SEPTIN9: variants seen among roughly 807,000 people sequenced by gnomAD.
SEPTIN9 encodes the protein septin 9.
A neutral mutation model predicts 56.6 loss-of-function variants in SEPTIN9; 13 were observed. That is an observed-to-expected ratio of 0.23 (90% CI 0.15 to 0.37). The LOEUF is 0.37. SEPTIN9 is among the 10% of genes least tolerant of loss of function. The pLI is 1.00. For missense variants in SEPTIN9, 650 were observed against 823.1 expected (o/e 0.79, Z 2.57); for synonymous variants, 332 against 334.1 (o/e 0.99, Z 0.07).
At chr17:77,493,994 A>G (rs1432677651) in intron 10 of SEPTIN9, among the ~76,000 whole-genome samples, 1 of 145,204 alleles carries the variant, frequency 6.9e-6, no homozygotes, top group African/African-American at 2.6e-5. Flanking sequence ...GCTGGTCTTA[A>G]ACTCCTGACC....
At chr17:77,468,833 T>C (rs2038858755) in intron 3 of SEPTIN9, among the ~76,000 whole-genome samples, 1 of 146,408 alleles carries the variant, frequency 6.8e-6, no homozygotes, top group Non-Finnish European at 1.5e-5. Flanking sequence ...GTGAGATGTG[T>C]TGGGTTAACA....
At chr17:77,481,740 G>A (rs2039464929) in intron 3 of SEPTIN9, among the ~76,000 whole-genome samples, 1 of 152,230 alleles carries the variant, frequency 6.6e-6, no homozygotes, top group South Asian at 2.1e-4. Context: ...GTGGCCCGAG[G>A]CAGTGTGGAG....
At chr17:77,302,670 T>C (rs965574199) in intron 1 of SEPTIN9, among the ~76,000 whole-genome samples, 4 of 152,040 alleles carry the variant, frequency 2.6e-5, no homozygotes, top group African/African-American at 9.7e-5. Flanking sequence ...AGAAAAAGAC[T>C]CCATCTCTAA....
At chr17:77,439,101 A>G (rs1198157293) in intron 3 of SEPTIN9, among the ~76,000 whole-genome samples, 1 of 152,194 alleles carries the variant, frequency 6.6e-6, no homozygotes, top group Non-Finnish European at 1.5e-5. Context: ...AAGTGAAGAA[A>G]TGGAGGCCCA....
intron 2 of SEPTIN9, among the ~76,000 whole-genome samples, chr17:77,338,189 T>C (rs943800905): frequency 6.6e-6 from 1 of 151,604 alleles, no homozygotes. Context: ...AGGGCGAGAC[T>C]CCATCTCAAA....
chr17:77,372,048 C>A (rs2034734923), intron 2 of SEPTIN9, among the ~76,000 whole-genome samples: 1 of 152,090 alleles, frequency 6.6e-6, no homozygotes, highest in South Asian at 2.1e-4. Flanking sequence ...GACCTCAGAC[C>A]CAGGATGAGC....
rs546249941 is a variant in SEPTIN9 at position 77,321,095 on chromosome 17, G to A, written c.76+13898G>A. On this transcript the variant is annotated intron_variant, in intron 2 of 11. Transcript: ENST00000427177. ...GTGGCTGCCATCTCACGTGGCCAGC[G>A]CCGTCATCGGTAATTAGCAGTGATG... is the stretch of plus-strand genomic sequence containing the variant. Among the ~76,000 whole-genome samples the A allele has an allele frequency of 4.6e-5, 7 of 152,342 alleles. 1 individual carries two copies. Among genetic ancestry groups the A allele is most frequent in the Admixed American group, 2.0e-4 (3 of 15,306 alleles).
At chr17:77,362,629 G>A (rs1047235827) in intron 2 of SEPTIN9, among the ~76,000 whole-genome samples, 4 of 152,304 alleles carry the variant, frequency 2.6e-5, no homozygotes, top group Non-Finnish European at 5.9e-5. Flanking sequence ...GAGGCTGAAG[G>A]AGGCTGACTC....
chr17:77,438,035 C>T (rs1025224108), intron 3 of SEPTIN9, among the ~76,000 whole-genome samples: 2 of 152,230 alleles, frequency 1.3e-5, no homozygotes, highest in African/African-American at 4.8e-5. Flanking sequence ...CTTCCAGCAT[C>T]GTGTGGGCCG....
intron 3 of SEPTIN9, among the ~76,000 whole-genome samples, chr17:77,464,462 T>TTTATGTAAAATTAAGTTCA (rs1568091016): frequency 6.6e-6 from 1 of 151,376 alleles, no homozygotes; most frequent in Non-Finnish European, 1.5e-5. Context: ...ATTAAGTGAG[T>TTTATGTAAAATTAAGTTCA]GCTGGCAGTG....
At chr17:77,454,954 G>C (rs182847227) in intron 3 of SEPTIN9, among the ~76,000 whole-genome samples, 2 of 152,140 alleles carry the variant, frequency 1.3e-5, no homozygotes, top group African/African-American at 2.4e-5. Flanking sequence ...TGCTGGGGGT[G>C]GGGGGTCAGT....
At chr17:77,443,550 T>C (rs570646101) in intron 3 of SEPTIN9, among the ~76,000 whole-genome samples, 2 of 152,248 alleles carry the variant, frequency 1.3e-5, no homozygotes, top group East Asian at 3.9e-4. Flanking sequence ...CCCAGCACTT[T>C]GAGAGGCTGA....
chr17:77,416,576 G>A (rs979266620), intron 3 of SEPTIN9, among the ~76,000 whole-genome samples: 5 of 152,168 alleles, frequency 3.3e-5, no homozygotes, highest in South Asian at 2.1e-4. Flanking sequence ...GTGAGGATGC[G>A]GTGGGAGGAA....
chr17:77,377,606 C>T (rs1261783443), intron 2 of SEPTIN9, among the ~76,000 whole-genome samples: 3 of 152,128 alleles, frequency 2.0e-5, no homozygotes, highest in Non-Finnish European at 4.4e-5. Context: ...ACCCCCAGAT[C>T]TGTGTTCTGG....
intron 4 of SEPTIN9, among the ~76,000 whole-genome samples, chr17:77,486,509 TGTGTGTGTGTGTGCGCGCACGCGCGCGC>T (rs1218220013): frequency 1.0e-5 from 1 of 97,108 alleles, no homozygotes; most frequent in African/African-American, 6.2e-5. Context: ...TGTGTGTGTG[TGTGTGTGTGTGTGCGCGCACGCGCGCGC>T]GTGTTATATG....
intron 2 of SEPTIN9, among the ~76,000 whole-genome samples, chr17:77,336,327 T>C (rs7502998): frequency 0.57 from 86,219 of 151,974 alleles, 25,171 homozygotes; most frequent in East Asian, 0.99. Flanking sequence ...TAAGGAAGAA[T>C]TGGCATTTTA....
rs2039851094 is a variant in SEPTIN9, at chr17:77,487,621, C to G, written c.1042+69C>G. On this transcript the variant is annotated intron_variant, in intron 5 of 11. Coordinates refer to ENST00000427177, the MANE Select transcript of SEPTIN9 (RefSeq NM_001113491.2). The surrounding 1 kb of genome is among the most constrained non-coding windows in gnomAD (Gnocchi z 4.3). ...TTCCTGGAGCACAGGGGTTGGGGGT[C>G]AAGACCATCACACACAGTCAGTGGC... 1 of 1,311,346 alleles carries G rather than the reference C, an allele frequency of 7.6e-7. No homozygotes were observed. The highest frequency in any genetic ancestry group is 2.2e-5 in the African/African-American group (1 of 45,196). The allele number at this position is 1,311,346 out of a possible 1,614,324, so 81.2% of individuals were successfully genotyped here. A position where few individuals can be genotyped will look rare whatever the true frequency, so the allele number is the denominator to read the frequency against.
In SEPTIN9 at chr17:77,329,419, G is replaced by A. The variant is rs2033264829; in HGVS notation, c.76+22222G>A. Among the ~76,000 whole-genome samples, 1 of 152,202 alleles carries A rather than the reference G, an allele frequency of 6.6e-6. No homozygotes were observed. Among genetic ancestry groups the A allele is most frequent in the Non-Finnish European group, 1.5e-5 (1 of 68,028 alleles). On this transcript the variant is annotated intron_variant, in intron 2 of 11. Transcript: ENST00000427177. This position sits in a 1 kb window ranked among gnomAD's most constrained non-coding sequence, Gnocchi z 4.3. ...ACTGCCCTGTGCTGCCCTGGTGGCT[G>A]CCGGCTTTAGGAGGAGCGCTTTTGG...
Position 77,475,223 on chromosome 17 carries a change from A to T in SEPTIN9, c.722-6921A>T. On this transcript the variant is annotated intron_variant, in intron 3 of 11. Transcript: ENST00000427177. This position sits in a 1 kb window ranked among gnomAD's most constrained non-coding sequence, Gnocchi z 4.6. The stretch of plus-strand genomic sequence containing the variant: ...GTGTGGGGGGGTTGTGGTGAGAGGA[A>T]ACCGCACACATCATTATTCAGTTAC... The T allele has an allele frequency of 7.8e-7, 1 of 1,280,118 alleles. No individual in the cohort carries two copies. The highest frequency in any genetic ancestry group is 2.1e-5 in the South Asian group (1 of 47,524). The allele number at this position is 1,280,118 out of a possible 1,614,324, so 79.3% of individuals were successfully genotyped here. A position where few individuals can be genotyped will look rare whatever the true frequency, so the allele number is the denominator to read the frequency against.
Sources: allele counts gnomAD v4.1 joint callset (sites outside exome capture counted in the v4.1 genomes callset), GRCh38; gene constraint gnomAD v4.1.1; non-coding constraint Gnocchi (gnomAD v3.1); transcripts MANE v1.5; gene names NCBI Gene and HGNC (gene_info 2026-07-23, HGNC 2026-07-21).